The following CNTNAP5 variants were observed in gnomAD, a reference collection of about 807,000 sequenced individuals.
CNTNAP5 encodes contactin-associated protein-like 5.
A neutral mutation model predicts 150.2 loss-of-function variants in CNTNAP5; 72 were observed. The ratio of observed to expected loss-of-function variants is 0.48; its 90% CI spans 0.40 to 0.58. The LOEUF (loss-of-function observed/expected upper bound fraction) is 0.58, where lower values mean the gene tolerates loss of function less well. CNTNAP5 is among the 20% of genes least tolerant of loss of function. The pLI, the probability that CNTNAP5 is intolerant of heterozygous loss-of-function variation, is 0.00. For synonymous variants in CNTNAP5, 672 were observed against 619.8 expected (o/e 1.08, Z -1.25); for missense variants, 1,636 against 1,626.2 (o/e 1.01, Z -0.10).
chr2:124,175,902 A>C (rs142830701), intron 1 of CNTNAP5, among the ~76,000 whole-genome samples: 1 of 152,330 alleles, frequency 6.6e-6, no homozygotes, highest in African/African-American at 2.4e-5. Flanking sequence ...TACAATGAAT[A>C]TACTAGTGCC....
intron 13 of CNTNAP5, among the ~76,000 whole-genome samples, chr2:124,659,601 A>G (rs779311016): frequency 2.6e-5 from 4 of 151,982 alleles, no homozygotes; most frequent in Non-Finnish European, 5.9e-5. Flanking sequence ...TAGCTAACAT[A>G]TTGACCTCAC....
intron 13 of CNTNAP5, among the ~76,000 whole-genome samples, chr2:124,705,982 A>G (rs1306705945): frequency 2.6e-5 from 4 of 152,190 alleles, no homozygotes; most frequent in African/African-American, 7.2e-5. Context: ...CATCACAGGC[A>G]AAGGGAAAAC....
intron 10 of CNTNAP5, among the ~76,000 whole-genome samples, chr2:124,543,770 G>T (rs1455148244): frequency 6.6e-6 from 1 of 152,102 alleles, no homozygotes; most frequent in South Asian, 2.1e-4. Context: ...ATCGTCAAAT[G>T]TAGAGAGTTG....
At chr2:124,089,258 C>G (rs1682764201) in intron 1 of CNTNAP5, among the ~76,000 whole-genome samples, 1 of 147,876 alleles carries the variant, frequency 6.8e-6, no homozygotes, top group African/African-American at 2.5e-5. Flanking sequence ...TTCTCAAAGG[C>G]TGAAGACCCC....
chr2:124,869,230 C>T (rs996993452), intron 20 of CNTNAP5, among the ~76,000 whole-genome samples: 25 of 152,044 alleles, frequency 1.6e-4, no homozygotes, highest in African/African-American at 5.6e-4. Flanking sequence ...GAGACCAGGT[C>T]AGAATTATGG....
intron 1 of CNTNAP5, among the ~76,000 whole-genome samples, chr2:124,168,692 A>G (rs1210801590): frequency 6.6e-6 from 1 of 152,244 alleles, no homozygotes; most frequent in Non-Finnish European, 1.5e-5. Context: ...ATTTTAAGAC[A>G]TTAACATATG....
intron 4 of CNTNAP5, among the ~76,000 whole-genome samples, chr2:124,429,124 A>G (rs1191773019): frequency 6.6e-6 from 1 of 152,226 alleles, no homozygotes; most frequent in Non-Finnish European, 1.5e-5. Context: ...AAAGCAGCAT[A>G]TAATAGTTTA....
chr2:124,573,177 A>G (rs1412505956), intron 11 of CNTNAP5, among the ~76,000 whole-genome samples: 1 of 152,238 alleles, frequency 6.6e-6, no homozygotes, highest in Non-Finnish European at 1.5e-5. Context: ...ATTTTATGGA[A>G]CACAGAAGGA....
At chr2:124,250,536 G>C (rs1463413073) in intron 3 of CNTNAP5, among the ~76,000 whole-genome samples, 3 of 152,036 alleles carry the variant, frequency 2.0e-5, no homozygotes, top group Non-Finnish European at 4.4e-5. Context: ...TCTCTCACTT[G>C]ATAAACTAAA....
chr2:124,624,941 T>C (rs1333884646), intron 12 of CNTNAP5, among the ~76,000 whole-genome samples: 1 of 152,164 alleles, frequency 6.6e-6, no homozygotes, highest in Non-Finnish European at 1.5e-5. Context: ...TAGCAATCCA[T>C]GTTACAGAGA....
chr2:124,849,717 C>G (rs866517638), intron 19 of CNTNAP5, among the ~76,000 whole-genome samples: 1 of 152,066 alleles, frequency 6.6e-6, no homozygotes, highest in African/African-American at 2.4e-5. Context: ...CTTTCATCAG[C>G]GTCATACACA....
chr2:124,754,296 G>A (rs1001623519), intron 14 of CNTNAP5, among the ~76,000 whole-genome samples: 1 of 152,082 alleles, frequency 6.6e-6, no homozygotes, highest in African/African-American at 2.4e-5. Flanking sequence ...TCTATTGGTT[G>A]AATTTTATTA....
At chr2:124,326,846 ATAGTCCCAGC>A (rs1273246026) in intron 3 of CNTNAP5, among the ~76,000 whole-genome samples, 1 of 151,882 alleles carries the variant, frequency 6.6e-6, no homozygotes, top group Non-Finnish European at 1.5e-5. Flanking sequence ...ATGCACACCC[ATAGTCCCAGC>A]TACTTGAGAG....
At chr2:124,070,398 A>G (rs1417164613) in intron 1 of CNTNAP5, among the ~76,000 whole-genome samples, 13 of 64,420 alleles carry the variant, frequency 2.0e-4, no homozygotes, top group African/African-American at 5.2e-4. Context: ...TGAATGGGGA[A>G]AAAAAAAAAA....
intron 3 of CNTNAP5, among the ~76,000 whole-genome samples, chr2:124,387,623 T>G (rs1329329503): frequency 7.3e-5 from 11 of 151,550 alleles, no homozygotes; most frequent in Non-Finnish European, 1.2e-4. Flanking sequence ...GATTACAAAG[T>G]ACCTTCTTAA....
In CNTNAP5 at chr2:124,323,138, G is replaced by T. The variant is rs76465902; in HGVS notation, c.381+80745G>T. Among the ~76,000 whole-genome samples the T allele has an allele frequency of 6.8e-3, 1,030 of 152,278 alleles. 8 individuals are homozygous for T. The highest frequency in any genetic ancestry group is 0.03 in the East Asian group (153 of 5,182). On this transcript the variant is annotated intron_variant, in intron 3 of 23. Coordinates refer to ENST00000682447, the MANE Select transcript of CNTNAP5 (RefSeq NM_001367498.1). ...TTGGTAAGTTTATGATGTTATAGAA[G>T]TTAATGTGCAAGGCATACAGGAGAC...
chr2:124,155,095 T>A (rs1684493524), intron 1 of CNTNAP5, among the ~76,000 whole-genome samples: 2 of 146,494 alleles, frequency 1.4e-5, no homozygotes, highest in South Asian at 4.3e-4. Flanking sequence ...TTTTTTTTTT[T>A]TTTGATGGCA....
chr2:124,569,052 G>GA (rs552168628), intron 11 of CNTNAP5, among the ~76,000 whole-genome samples: 78 of 151,366 alleles, frequency 5.2e-4, no homozygotes, highest in South Asian at 8.3e-4. Context: ...TGTCTCAAAA[G>GA]AAAAAAATAT....
At chr2:124,245,539 A>C (rs1476070058) in intron 3 of CNTNAP5, among the ~76,000 whole-genome samples, 2 of 151,944 alleles carry the variant, frequency 1.3e-5, no homozygotes, top group East Asian at 3.9e-4. Flanking sequence ...TACTGGCTTA[A>C]AGGTGGTTTA....
Sources: allele counts gnomAD v4.1 joint callset (sites outside exome capture counted in the v4.1 genomes callset), GRCh38; gene constraint gnomAD v4.1.1; transcripts MANE v1.5; gene names NCBI Gene and HGNC (gene_info 2026-07-23, HGNC 2026-07-21).